HTR3B: variants seen among roughly 807,000 people sequenced by gnomAD.
HTR3B encodes 5-hydroxytryptamine (serotonin) receptor 3B, ionotropic.
A neutral mutation model predicts 42.8 loss-of-function variants in HTR3B; 44 were observed. The observed-to-expected ratio is 1.03, with a 90% CI of 0.81 to 1.32. HTR3B has a LOEUF of 1.32. HTR3B is among the 40% of genes most tolerant of loss of function. The pLI is 0.00. For missense variants in HTR3B, 527 were observed against 536.5 expected (o/e 0.98, Z 0.17); for synonymous variants, 203 against 209.0 (o/e 0.97, Z 0.25).
At chr11:113,932,104 C>T (rs911992685) in intron 4 of HTR3B, among the ~76,000 whole-genome samples, 185 bp from the exon 5 acceptor site, 3 of 152,212 alleles carry the variant, frequency 2.0e-5, no homozygotes, top group African/African-American at 7.2e-5. Flanking sequence ...AATGAGTTAA[C>T]TTACGAGGCT....
rs767225320 is a variant in HTR3B, at chr11:113,943,204, C to CGG, written c.907+15_907+16dup. The stretch of plus-strand genomic sequence containing the variant: ...CACCCCTCTGATTGGTAAGCAGCCT[C>CGG]GGGGTCACTGGACACTCATCTTACA... On this transcript the variant is annotated intron_variant, in intron 7 of 8. Coordinates refer to ENST00000260191, the MANE Select transcript of HTR3B (RefSeq NM_006028.5). 13 of 1,601,298 alleles carry CGG rather than the reference C, an allele frequency of 8.1e-6. No individual in the cohort carries two copies. Among genetic ancestry groups the CGG allele is most frequent in the Non-Finnish European group, 1.1e-5 (13 of 1,170,432 alleles).
chr11:113,925,991 A>G (rs1373134280), intron 2 of HTR3B, among the ~76,000 whole-genome samples: 1 of 152,158 alleles, frequency 6.6e-6, no homozygotes, highest in Admixed American at 6.5e-5. Flanking sequence ...TCACCTCAAA[A>G]AGAAGCCCTA....
chr11:113,924,717 T>C (rs1184633679), intron 2 of HTR3B, among the ~76,000 whole-genome samples: 2 of 151,824 alleles, frequency 1.3e-5, no homozygotes, highest in East Asian at 3.9e-4. Context: ...GGACTCCCGT[T>C]GAGCCAGTCT....
At chr11:113,933,235 C>A in intron 6 of HTR3B, 142 bp downstream of exon 6, 1 of 753,108 alleles carries the variant, frequency 1.3e-6, no homozygotes, top group Non-Finnish European at 2.1e-6. Context: ...TCTGAGCATC[C>A]ACCTGCATTC....
At chr11:113,899,904 G>A (rs1015830824), upstream of HTR3B, among the ~76,000 whole-genome samples, 3 of 152,160 alleles carry the variant, frequency 2.0e-5, no homozygotes, top group African/African-American at 7.2e-5. Context: ...CTGAACTTCT[G>A]TAAGAGAATC....
Position 113,931,820 on chromosome 11 carries a change from C to T in HTR3B, c.321C>T (p.Ser107=), listed in dbSNP as rs1365905225. 6.2e-7 allele frequency: 1 copy of T among 1,611,778 alleles called. No individual in the cohort carries two copies. Among genetic ancestry groups the T allele is most frequent in the Non-Finnish European group, 8.5e-7 (1 of 1,177,992 alleles). ...SSMFDEIREI[S]LPLSAIWAPD... The stretch of plus-strand genomic sequence containing the variant: ...TGTTTGATGAGATTAGAGAGATCTC[C>T]CTACCTCTAAGTGCCATCTGGGCCC... Residue 107 remains serine, a synonymous_variant, in exon 4 of 9, where the codon TCC becomes TCT. Transcript: ENST00000260191.
chr11:113,920,573 T>C (rs1009898380), intron 2 of HTR3B, among the ~76,000 whole-genome samples: 1 of 149,810 alleles, frequency 6.7e-6, no homozygotes, highest in Non-Finnish European at 1.5e-5. Flanking sequence ...GGGGTTACAC[T>C]ATGTTGGCCA....
chr11:113,901,117 G>T (rs188256567), upstream of HTR3B, among the ~76,000 whole-genome samples: 18 of 152,224 alleles, frequency 1.2e-4, no homozygotes, highest in Admixed American at 7.9e-4. Context: ...AAAACTGAAG[G>T]GTGGGGAGAG....
chr11:113,909,440 T>C lies in HTR3B; in HGVS notation c.198T>C (p.His66=), dbSNP rs1360887229. 1.2e-6 allele frequency: 2 copies of C among 1,614,052 alleles called. No homozygotes were observed. Among genetic ancestry groups the C allele is most frequent in the Non-Finnish European group, 1.7e-6 (2 of 1,179,970 alleles). The part of the protein sequence containing the change: ...ATTVYLDLFV[H]AILDVDAENQ... ...CAGTCTACCTGGACCTGTTCGTCCA[T>C]GCTATATTGGATGTGGTAAGGACCA... Residue 66 remains histidine, a synonymous_variant, in exon 2 of 9, where the codon CAT becomes CAC. Coordinates refer to ENST00000260191, the MANE Select transcript of HTR3B (RefSeq NM_006028.5).
In HTR3B at chr11:113,945,903, G is replaced by C. The variant is rs1206397662; in HGVS notation, c.1092G>C (p.Glu364Asp). The change falls in exon 9 of 9, where the codon GAG becomes GAC. Residue 364 changes from glutamate (E) to aspartate (D), a missense_variant and splice_region_variant. Coordinates refer to ENST00000260191, the MANE Select transcript of HTR3B (RefSeq NM_006028.5). ...AGGGTGTTTTCCTCCATCACACAGA[G>C]TCCTCGCTGTATGGAGAGCACCTGG... ...EPRAQRAVVT[E>D]SSLYGEHLAQ... is the part of the protein sequence containing the mutation. 6.2e-6 allele frequency: 10 copies of C among 1,612,924 alleles called. No homozygotes were observed. In the East Asian group the frequency reaches 2.2e-4, roughly 36 times the overall value.
intron 2 of HTR3B, among the ~76,000 whole-genome samples, chr11:113,918,223 T>A (rs1178568869): frequency 6.6e-6 from 1 of 151,900 alleles, no homozygotes; most frequent in Non-Finnish European, 1.5e-5. Context: ...TGAACACTGG[T>A]ACAATCTATA....
intron 1 of HTR3B, chr11:113,908,950 G>A (rs1022840050): frequency 2.0e-5 from 7 of 355,052 alleles, no homozygotes; most frequent in Non-Finnish European, 3.5e-5. Flanking sequence ...GTGTAGGTGG[G>A]TTTTTTCTAG....
intron 7 of HTR3B, among the ~76,000 whole-genome samples, chr11:113,944,265 G>A (rs185003969): frequency 3.9e-4 from 59 of 152,178 alleles, no homozygotes; most frequent in African/African-American, 1.2e-3. Flanking sequence ...TGATCCACCC[G>A]CCTCAGCCTC....
intron 6 of HTR3B, among the ~76,000 whole-genome samples, chr11:113,935,800 G>C (rs1950086983): frequency 6.6e-6 from 1 of 152,144 alleles, no homozygotes; most frequent in African/African-American, 2.4e-5. Context: ...CTCAGTCCAG[G>C]CTGCCCAGCG....
At chr11:113,944,281 G>A (rs1950159475) in intron 7 of HTR3B, among the ~76,000 whole-genome samples, 2 of 152,116 alleles carry the variant, frequency 1.3e-5, no homozygotes, top group African/African-American at 2.4e-5. Flanking sequence ...GCCTCCCAAA[G>A]TGTTGGGATT....
Position 113,946,752 on chromosome 11 carries a change from T to A in HTR3B, c.*615T>A, listed in dbSNP as rs1373105810. Among the ~76,000 whole-genome samples the A allele has an allele frequency of 6.6e-6, 1 of 152,228 alleles. No homozygotes were observed. Among genetic ancestry groups the A allele is most frequent in the Non-Finnish European group, 1.5e-5 (1 of 68,036 alleles). ...TCCAGAAGATTTCTAGGCACACACA[T>A]GCATCTATGTATGGTTAAGCAGTTT... On this transcript the variant is annotated 3_prime_UTR_variant, in exon 9 of 9. Coordinates refer to ENST00000260191, the MANE Select transcript of HTR3B (RefSeq NM_006028.5).
Position 113,943,182 on chromosome 11 carries a change from C to T in HTR3B, c.897C>T (p.Thr299=). ...AGGTGCCACGGAGTGTAGGGAGCAC[C>T]CCTCTGATTGGTAAGCAGCCTCGGG... The part of the protein sequence containing the change: ...SNQVPRSVGS[T]PLIGHFFTIC... Residue 299 remains threonine, a synonymous_variant, in exon 7 of 9, where the codon ACC becomes ACT. Transcript: ENST00000260191. 1 of 1,612,252 alleles carries T rather than the reference C, an allele frequency of 6.2e-7. No individual in the cohort carries two copies. Among genetic ancestry groups the T allele is most frequent in the Non-Finnish European group, 8.5e-7 (1 of 1,179,148 alleles).
intron 8 of HTR3B, 113 bp downstream of exon 8, chr11:113,944,868 C>G: frequency 2.1e-6 from 2 of 933,256 alleles, no homozygotes; most frequent in Non-Finnish European, 3.2e-6. Context: ...CCTACAACAA[C>G]TGCTTCTTAG....
intron 2 of HTR3B, among the ~76,000 whole-genome samples, chr11:113,919,137 GC>G (rs1366650022): frequency 6.6e-6 from 1 of 151,774 alleles, no homozygotes; most frequent in Non-Finnish European, 1.5e-5. Flanking sequence ...TCCTCTATTA[GC>G]TTTTTAGCGA....
Sources: allele counts gnomAD v4.1 joint callset (sites outside exome capture counted in the v4.1 genomes callset), GRCh38; gene constraint gnomAD v4.1.1; transcripts MANE v1.5; gene names NCBI Gene and HGNC (gene_info 2026-07-23, HGNC 2026-07-21).